Variants in TBC1D19 observed in about 807,000 individuals in gnomAD.
TBC1D19 encodes TBC1 domain family, member 19.
TBC1D19 carries 60 observed loss-of-function variants against 89.0 expected under a neutral mutation model. That is an observed-to-expected ratio of 0.67 (90% CI 0.55 to 0.84). The LOEUF (loss-of-function observed/expected upper bound fraction) is 0.84. TBC1D19 is among the 40% of genes least tolerant of loss of function. The probability of loss-of-function intolerance (pLI) is 0.00; values close to 1 mark genes in which losing one functional copy is unlikely to be tolerated. For synonymous variants in TBC1D19, 189 were observed against 199.7 expected (o/e 0.95, Z 0.45); for missense variants, 500 against 610.8 (o/e 0.82, Z 1.91).
chr4:26,744,868 A>G (rs1412145519), intron 18 of TBC1D19, among the ~76,000 whole-genome samples: 1 of 152,276 alleles, frequency 6.6e-6, no homozygotes, highest in East Asian at 1.9e-4. Context: ...TATAAATGTC[A>G]AGGAATCAAG....
the TBC1D19 span, among the ~76,000 whole-genome samples, chr4:26,775,763 G>C: frequency 6.6e-6 from 1 of 152,124 alleles, no homozygotes; most frequent in Non-Finnish European, 1.5e-5. Context: ...AGGAAAGCCA[G>C]GATTTGCTTG....
the TBC1D19 span, among the ~76,000 whole-genome samples, chr4:26,842,582 C>CCCTT: frequency 0.18 from 17,021 of 94,938 alleles, 2,298 homozygotes; most frequent in Admixed American, 0.22. Context: ...CTTCCTCCCT[C>CCCTT]CCTTTCTTTC....
intron 4 of TBC1D19, among the ~76,000 whole-genome samples, chr4:26,621,535 T>C (rs1742048348): frequency 6.6e-6 from 1 of 152,188 alleles, no homozygotes; most frequent in African/African-American, 2.4e-5. Flanking sequence ...ACAGTTATCA[T>C]CATGGTTCTT....
intron 1 of TBC1D19, among the ~76,000 whole-genome samples, chr4:26,589,991 A>G (rs569986425): frequency 1.3e-5 from 2 of 152,310 alleles, no homozygotes; most frequent in South Asian, 4.1e-4. Flanking sequence ...CCTATGGAAA[A>G]GACTATGCAA....
intron 8 of TBC1D19, among the ~76,000 whole-genome samples, chr4:26,663,653 T>C (rs1711533451): frequency 6.6e-6 from 1 of 152,184 alleles, no homozygotes; most frequent in Non-Finnish European, 1.5e-5. Flanking sequence ...TTTCAAGAAA[T>C]TGTAGCTATA....
At chr4:26,676,357 C>T (rs1317172855) in intron 11 of TBC1D19, among the ~76,000 whole-genome samples, 1 of 152,168 alleles carries the variant, frequency 6.6e-6, no homozygotes, top group South Asian at 2.1e-4. Flanking sequence ...TCAAATTCTT[C>T]CTGCCAAACT....
the TBC1D19 span, among the ~76,000 whole-genome samples, chr4:26,786,857 G>A: frequency 1.3e-5 from 2 of 152,258 alleles, no homozygotes; most frequent in South Asian, 4.1e-4. Context: ...TGATGAATGG[G>A]TGGGTGGGTG....
At chr4:26,825,900 C>T in the TBC1D19 span, among the ~76,000 whole-genome samples, 1 of 152,140 alleles carries the variant, frequency 6.6e-6, no homozygotes, top group Non-Finnish European at 1.5e-5. Context: ...TTAGTAATGG[C>T]ATATGAAAAT....
intron 11 of TBC1D19, 26 bp downstream of exon 11, chr4:26,673,914 G>C (rs1157551807): frequency 2.2e-6 from 3 of 1,395,170 alleles, no homozygotes; most frequent in African/African-American, 2.9e-5. Flanking sequence ...GGGTGGGTCA[G>C]ATTTTAGCTT....
the TBC1D19 span, among the ~76,000 whole-genome samples, chr4:26,847,730 G>A: frequency 6.6e-6 from 1 of 152,198 alleles, no homozygotes; most frequent in East Asian, 1.9e-4. Flanking sequence ...AACAGGGAAA[G>A]CATTTAAGAG....
intron 1 of TBC1D19, among the ~76,000 whole-genome samples, chr4:26,603,994 C>A (rs1740795048): frequency 6.6e-6 from 1 of 152,110 alleles, no homozygotes; most frequent in Admixed American, 6.5e-5. Flanking sequence ...GTAGTAACCA[C>A]CATTCTATGG....
the TBC1D19 span, among the ~76,000 whole-genome samples, chr4:26,799,787 T>C: frequency 6.6e-6 from 1 of 152,198 alleles, no homozygotes; most frequent in Admixed American, 6.5e-5. Context: ...AATAAATTCC[T>C]GTTGTTTATA....
At chr4:26,784,287 G>T in the TBC1D19 span, among the ~76,000 whole-genome samples, 1 of 152,118 alleles carries the variant, frequency 6.6e-6, no homozygotes, top group Non-Finnish European at 1.5e-5. Flanking sequence ...AGATACCCCT[G>T]GGCTTCTTCC....
chr4:26,648,730 C>A, intron 7 of TBC1D19, among the ~76,000 whole-genome samples: 1 of 152,136 alleles, frequency 6.6e-6, no homozygotes, highest in East Asian at 1.9e-4. Flanking sequence ...AAAAAACTGC[C>A]TTTATGATGA....
chr4:26,732,180 C>T (rs928541974), intron 15 of TBC1D19, among the ~76,000 whole-genome samples: 7 of 152,136 alleles, frequency 4.6e-5, no homozygotes, highest in African/African-American at 1.7e-4. Context: ...TACTCTGCTT[C>T]GTTAGAGGAG....
chr4:26,833,386 T>G, the TBC1D19 span, among the ~76,000 whole-genome samples: 1 of 152,188 alleles, frequency 6.6e-6, no homozygotes, highest in Non-Finnish European at 1.5e-5. Context: ...TGAGTTTTGA[T>G]AAATACATAG....
At chr4:26,665,778 T>C (rs1711754758) in intron 8 of TBC1D19, among the ~76,000 whole-genome samples, 1 of 151,780 alleles carries the variant, frequency 6.6e-6, no homozygotes, top group African/African-American at 2.4e-5. Context: ...TGTTTGTATG[T>C]GTGTGTGTGT....
intron 15 of TBC1D19, among the ~76,000 whole-genome samples, chr4:26,727,361 G>A (rs999768712): frequency 4.6e-5 from 7 of 152,172 alleles, no homozygotes; most frequent in Admixed American, 2.0e-4. Flanking sequence ...TCAACAAAGC[G>A]GACTGTGTAG....
At chr4:26,765,552 A>G in the TBC1D19 span, among the ~76,000 whole-genome samples, 1 of 152,224 alleles carries the variant, frequency 6.6e-6, no homozygotes, top group African/African-American at 2.4e-5. Context: ...TGATGCCTAG[A>G]GAGTAAGTTC....
Sources: gnomAD v4.1 joint callset for allele counts (sites outside exome capture counted in the v4.1 genomes callset) on GRCh38, gnomAD v4.1.1 for gene constraint, MANE v1.5 for transcripts, NCBI Gene and HGNC (gene_info 2026-07-23, HGNC 2026-07-21) for gene names.